Variants in LAMC3 observed in about 807,000 individuals in gnomAD.
The protein encoded by LAMC3 is laminin subunit gamma 3, also known as laminin subunit gamma-3.
A neutral mutation model predicts 173.8 loss-of-function variants in LAMC3; 128 were observed. The ratio of observed to expected loss-of-function variants is 0.74; its 90% CI spans 0.64 to 0.85. The LOEUF (loss-of-function observed/expected upper bound fraction) is 0.85. LAMC3 is among the 40% of genes least tolerant of loss of function. LAMC3 has a pLI of 0.00. For synonymous variants in LAMC3, 897 were observed against 909.1 expected (o/e 0.99, Z 0.24); for missense variants, 2,022 against 2,156.0 (o/e 0.94, Z 1.23).
In LAMC3 at chr9:131,066,988, C is replaced by A. The variant is rs746035771; in HGVS notation, c.2376C>A (p.Gly792=). The A allele has an allele frequency of 1.2e-6, 2 of 1,613,966 alleles. No individual in the cohort carries two copies. Among genetic ancestry groups the A allele is most frequent in the South Asian group, 2.2e-5 (2 of 91,092 alleles). Residue 792 remains glycine, a synonymous_variant, in exon 14 of 28, where the codon GGC becomes GGA. Transcript: ENST00000361069. ...GGCGCTGTGAGGTCTGTGATGATGG[C>A]TTTTTTGGGGACCCGCTGGGGCTCT... ...RGRRCEVCDD[G]FFGDPLGLFG... is the part of the protein sequence containing the mutation.
Position 131,091,594 on chromosome 9 carries a change from T to G in LAMC3, c.4535T>G (p.Leu1512Arg), listed in dbSNP as rs1351765900. The change falls in exon 28 of 28, where the codon CTA (leucine) becomes CGA (arginine). Residue 1512 changes from leucine (L) to arginine (R), a missense_variant. Transcript: ENST00000361069. ...GCCCTGAACGAGACTCAGTGGGCAC[T>G]AGAACGCCTGAGGCTGCAGCTGGGC... ...AQALNETQWA[L>R]ERLRLQLGSP... 2 of 1,592,476 alleles carry G rather than the reference T, an allele frequency of 1.3e-6. No individual in the cohort carries two copies. Among genetic ancestry groups the G allele is most frequent in the South Asian group, 2.3e-5 (2 of 87,968 alleles).
intron 1 of LAMC3, among the ~76,000 whole-genome samples, chr9:131,017,174 G>A (rs1327069018): frequency 6.6e-6 from 1 of 152,154 alleles, no homozygotes; most frequent in Non-Finnish European, 1.5e-5. Flanking sequence ...TGCTGTGCGC[G>A]GGCTGCTGCG....
At chr9:131,047,056 C>T (rs966754225) in intron 8 of LAMC3, among the ~76,000 whole-genome samples, 14 of 152,072 alleles carry the variant, frequency 9.2e-5, no homozygotes, top group African/African-American at 3.1e-4. Context: ...TCTGTTCTCA[C>T]ATTGGGCCAG....
chr9:131,018,686 G>A (rs952227081), intron 1 of LAMC3, among the ~76,000 whole-genome samples: 12 of 151,976 alleles, frequency 7.9e-5, no homozygotes, highest in Admixed American at 7.2e-4. Flanking sequence ...TGCTCTCCTC[G>A]CCTGTCTAGC....
rs192031352 is a variant in LAMC3, at chr9:131,049,014, G to A, written c.1520-6G>A. On this transcript the variant is annotated splice_region_variant and splice_polypyrimidine_tract_variant and intron_variant, in intron 8 of 27. Transcript: ENST00000361069. ...TGATCGGGGGGTGTCTGTGTTTGCT[G>A]TCTAGGAGCCGAAGGCTGGTGGGCC... is the stretch of plus-strand genomic sequence containing the variant. 1.6e-3 allele frequency: 2,478 copies of A among 1,540,378 alleles called. 3 individuals carry two copies. The highest frequency in any genetic ancestry group is 6.9e-3 in the Middle Eastern group (37 of 5,330).
Position 131,079,309 on chromosome 9 carries a change from G to A in LAMC3, c.3927+11G>A, listed in dbSNP as rs537247838. On this transcript the variant is annotated intron_variant, in intron 23 of 27. Transcript: ENST00000361069. ...GAACCCCTCACAAAGGTCAGCTCTT[G>A]TGCTTTGAAGCAGGGGACCTGGGAG... is the stretch of plus-strand genomic sequence containing the variant. 178 of 1,613,998 alleles carry A rather than the reference G, an allele frequency of 1.1e-4. No individual in the cohort carries two copies. In the East Asian group the frequency reaches 1.3e-3, roughly 12 times the overall value.
intron 25 of LAMC3, among the ~76,000 whole-genome samples, chr9:131,086,128 G>A (rs1001031940): frequency 1.3e-5 from 2 of 152,074 alleles, no homozygotes; most frequent in African/African-American, 2.4e-5. Context: ...GCCCAGGCTG[G>A]AGTGCAGTGG....
At chr9:131,073,138 A>T in intron 19 of LAMC3, 107 bp from the exon 20 acceptor site, 1 of 902,982 alleles carries the variant, frequency 1.1e-6, no homozygotes, top group Non-Finnish European at 1.8e-6. Flanking sequence ...TTGTGCATTT[A>T]TAAAACGACG....
intron 19 of LAMC3, 55 bp downstream of exon 19, chr9:131,072,890 C>G: frequency 6.7e-7 from 1 of 1,501,196 alleles, no homozygotes; most frequent in East Asian, 2.4e-5. Context: ...TTGGTCCCTG[C>G]CCCAGCCCTC....
At chr9:131,085,487 C>A in intron 24 of LAMC3, 37 bp from the exon 25 acceptor site, 1 of 1,610,592 alleles carries the variant, frequency 6.2e-7, no homozygotes, top group Non-Finnish European at 8.5e-7. Context: ...GAGGTGTGAG[C>A]CCAGTTCCCC....
chr9:131,083,213 T>TG lies in LAMC3; in HGVS notation c.4030+1058dup, dbSNP rs529431955. ...CCCTCAGCTTGCCTATCTCCAACAATGGGGGGCTCACTACCTTACAAGCTT... is the reference window on the plus strand; with the variant it reads ...CCCTCAGCTTGCCTATCTCCAACAATGGGGGGGCTCACTACCTTACAAGCTT... On this transcript the variant is annotated intron_variant, in intron 24 of 27. Coordinates refer to ENST00000361069, the MANE Select transcript of LAMC3 (RefSeq NM_006059.4). 8.5e-5 allele frequency among the ~76,000 whole-genome samples: 13 copies of TG among 152,228 alleles called. No homozygotes were observed. The East Asian group carries it at 1.3e-3, about 16-fold the overall frequency.
At chr9:131,027,334 G>T (rs72766883) in intron 2 of LAMC3, among the ~76,000 whole-genome samples, 1 of 152,214 alleles carries the variant, frequency 6.6e-6, no homozygotes, top group African/African-American at 2.4e-5. Context: ...AGAACTCTCC[G>T]CTGAGGGGCC....
Position 131,045,458 on chromosome 9 carries a change from C to T in LAMC3, c.1383-66C>T, listed in dbSNP as rs1394668904. 5.6e-6 allele frequency: 9 copies of T among 1,593,066 alleles called. 1 individual carries two copies. Among genetic ancestry groups the T allele is most frequent in the Non-Finnish European group, 8.6e-7 (1 of 1,165,452 alleles). ...GACTCTCATTGGTCCAGCTGGGATA[C>T]CCTGGCCCCGCCCCTTCCTGGCTGA... On this transcript the variant is annotated intron_variant, in intron 7 of 27. Transcript: ENST00000361069.
Position 131,092,319 on chromosome 9 carries a change from C to A in LAMC3, c.*532C>A. On this transcript the variant is annotated 3_prime_UTR_variant, in exon 28 of 28. Transcript: ENST00000361069. ...CAGCAACAGCCAAAGCCCCTAGTCC[C>A]AGAGCTGGCTGCCCTCTGTTTCACA... The A allele has an allele frequency of 5.8e-6, 1 of 172,050 alleles. No individual in the cohort carries two copies. The highest frequency in any genetic ancestry group is 1.3e-5 in the Non-Finnish European group (1 of 78,968). The allele number at this position is 172,050 out of a possible 1,614,324, so 10.7% of individuals were successfully genotyped here. A position where few individuals can be genotyped will look rare whatever the true frequency, so the allele number is the denominator to read the frequency against.
intron 6 of LAMC3, among the ~76,000 whole-genome samples, chr9:131,041,069 C>T (rs1456983056): frequency 6.6e-6 from 1 of 151,978 alleles, no homozygotes; most frequent in East Asian, 1.9e-4. Flanking sequence ...AGGGGATAGA[C>T]AGAAAGATTC....
At chr9:131,028,798 T>G (rs1438842111) in intron 2 of LAMC3, among the ~76,000 whole-genome samples, 1 of 152,248 alleles carries the variant, frequency 6.6e-6, no homozygotes, top group African/African-American at 2.4e-5. Context: ...CGTAGAGTAC[T>G]GCCAACTTTG....
chr9:131,028,367 C>A (rs1254177284), intron 2 of LAMC3, among the ~76,000 whole-genome samples: 1 of 152,176 alleles, frequency 6.6e-6, no homozygotes, highest in East Asian at 1.9e-4. Context: ...GTGTCCAAAC[C>A]CAGGGAACCT....
intron 23 of LAMC3, among the ~76,000 whole-genome samples, chr9:131,081,468 T>TCCCC (rs1830240112): frequency 1.4e-5 from 1 of 73,998 alleles, no homozygotes; most frequent in African/African-American, 5.2e-5. Context: ...CCTCCCTTCC[T>TCCCC]TCCTTTCTTT....
chr9:131,010,846 C>G (rs1833403284), intron 1 of LAMC3, among the ~76,000 whole-genome samples: 1 of 152,198 alleles, frequency 6.6e-6, no homozygotes, highest in Admixed American at 6.5e-5. Context: ...GCCCCTGCCC[C>G]CACTGCAGGG....
Sources: gnomAD v4.1 joint callset for allele counts (sites outside exome capture counted in the v4.1 genomes callset) on GRCh38, gnomAD v4.1.1 for gene constraint, MANE v1.5 for transcripts, NCBI Gene and HGNC (gene_info 2026-07-23, HGNC 2026-07-21) for gene names.